The following TPST1 variants were observed in gnomAD, a reference collection of about 807,000 sequenced individuals.
TPST1 encodes the protein tyrosylprotein sulfotransferase 1.
In TPST1, 20 loss-of-function variants were observed where a neutral mutation model predicts 34.8. That is an observed-to-expected ratio of 0.57 (90% CI 0.40 to 0.84). The LOEUF (loss-of-function observed/expected upper bound fraction) is 0.84, where lower values mean the gene tolerates loss of function less well. Ranked by LOEUF, TPST1 falls within the 40% of genes least tolerant of loss-of-function variation. The pLI, the probability that TPST1 is intolerant of heterozygous loss-of-function variation, is 0.00. For missense variants in TPST1, 353 were observed against 455.5 expected, an observed-to-expected ratio of 0.78 and a Z score of 2.05; for synonymous variants, 152 against 159.4, an observed-to-expected ratio of 0.95 and a Z score of 0.35.
intron 1 of TPST1, among the ~76,000 whole-genome samples, chr7:66,222,742 G>C (rs1789570723): frequency 6.6e-6 from 1 of 152,086 alleles, no homozygotes; most frequent in Admixed American, 6.5e-5. Flanking sequence ...TGGGAGGAGT[G>C]CTGGGAGGTG....
At chr7:66,354,028 C>T (rs1329744834) in intron 4 of TPST1, among the ~76,000 whole-genome samples, 1 of 152,214 alleles carries the variant, frequency 6.6e-6, no homozygotes, top group Non-Finnish European at 1.5e-5. Context: ...CATATATTTA[C>T]TATTCATCCA....
At chr7:66,211,756 A>T (rs1789266373) in intron 1 of TPST1, among the ~76,000 whole-genome samples, 1 of 152,232 alleles carries the variant, frequency 6.6e-6, no homozygotes, top group African/African-American at 2.4e-5. Context: ...TCACGGGGTC[A>T]AGAGATGGAG....
At chr7:66,211,155 A>T (rs368821995) in intron 1 of TPST1, among the ~76,000 whole-genome samples, 19 of 148,422 alleles carry the variant, frequency 1.3e-4, no homozygotes, top group African/African-American at 4.2e-4. Context: ...TTTTTTTGAG[A>T]TGGAGTTTCG....
At chr7:66,223,292 A>T (rs1376866295) in intron 1 of TPST1, among the ~76,000 whole-genome samples, 9 of 151,708 alleles carry the variant, frequency 5.9e-5, no homozygotes. Flanking sequence ...ACAAAAAAGA[A>T]AGAAAGAAAG....
intron 1 of TPST1, among the ~76,000 whole-genome samples, chr7:66,211,194 G>T (rs962485442): frequency 6.6e-6 from 1 of 151,742 alleles, no homozygotes; most frequent in Non-Finnish European, 1.5e-5. Flanking sequence ...GAGTGCAATG[G>T]CGCGATCTTG....
intron 3 of TPST1, among the ~76,000 whole-genome samples, chr7:66,314,065 T>C (rs1216068410): frequency 1.3e-5 from 2 of 152,178 alleles, no homozygotes; most frequent in African/African-American, 2.4e-5. Flanking sequence ...ATTATTCGGG[T>C]TATGCATATG....
chr7:66,238,343 G>T (rs943147991), intron 1 of TPST1, among the ~76,000 whole-genome samples: 4 of 151,394 alleles, frequency 2.6e-5, no homozygotes, highest in Non-Finnish European at 5.9e-5. Flanking sequence ...TAAGGCCCAG[G>T]AAAGGCCTGG....
intron 1 of TPST1, among the ~76,000 whole-genome samples, chr7:66,221,292 AT>A (rs1789537701): frequency 6.6e-6 from 1 of 152,160 alleles, no homozygotes; most frequent in Non-Finnish European, 1.5e-5. Context: ...AGGGAAAAAA[AT>A]TGAGGGAAAT....
At chr7:66,239,919 TTG>T in intron 1 of TPST1, among the ~76,000 whole-genome samples, 1 of 152,210 alleles carries the variant, frequency 6.6e-6, no homozygotes, top group African/African-American at 2.4e-5. Flanking sequence ...TCTTGCTTTG[TTG>T]CCTAGGCTGG....
chr7:66,285,208 C>G (rs1791011415), intron 2 of TPST1, among the ~76,000 whole-genome samples: 1 of 152,156 alleles, frequency 6.6e-6, no homozygotes, highest in South Asian at 2.1e-4. Context: ...ACATCCTCTG[C>G]TCATTCCTGA....
chr7:66,271,757 T>C (rs1387577177), intron 2 of TPST1, among the ~76,000 whole-genome samples: 1 of 152,206 alleles, frequency 6.6e-6, no homozygotes, highest in Non-Finnish European at 1.5e-5. Context: ...TCCATATATA[T>C]GTATATATCC....
rs779681296 is a variant in TPST1, at chr7:66,257,187, C to G, written c.845+15917C>G. Among the ~76,000 whole-genome samples, 18 of 152,130 alleles carry G rather than the reference C, an allele frequency of 1.2e-4. No homozygotes were observed. In the South Asian group the frequency reaches 1.7e-3, roughly 14 times the overall value. ...GTTTCAAACTCCTGGGCTCAGCCCC[C>G]CAAAGTGCTAGGATTACAGGTGTGA... On this transcript the variant is annotated intron_variant, in intron 2 of 5. Coordinates refer to ENST00000304842, the MANE Select transcript of TPST1 (RefSeq NM_003596.4).
At chr7:66,205,172 G>T (rs1487460087), upstream of TPST1, 1 of 152,282 alleles carries the variant, frequency 6.6e-6, no homozygotes, top group Non-Finnish European at 1.5e-5. The surrounding 1 kb of genome is among the most constrained non-coding windows in gnomAD (Gnocchi z 5.0). Context: ...GGCGCCTGCC[G>T]GACCCAGCTC....
intron 2 of TPST1, among the ~76,000 whole-genome samples, chr7:66,251,284 G>A (rs990961927): frequency 6.6e-5 from 10 of 152,168 alleles, no homozygotes; most frequent in African/African-American, 2.4e-4. Context: ...GATTGCAGAT[G>A]ATGGTAAGTA....
intron 5 of TPST1, 76 bp from the exon 6 acceptor site, chr7:66,359,819 G>C (rs1217102372): frequency 4.4e-6 from 2 of 451,536 alleles, no homozygotes; most frequent in African/African-American, 4.0e-5. Flanking sequence ...CTGTAGCTGG[G>C]AAGGAAGAGA....
intron 3 of TPST1, among the ~76,000 whole-genome samples, chr7:66,321,439 C>G (rs1791755769): frequency 6.6e-6 from 1 of 152,230 alleles, no homozygotes; most frequent in Non-Finnish European, 1.5e-5. Flanking sequence ...CATAAACTAT[C>G]TGGTTAAACC....
At chr7:66,333,824 A>G (rs1459906524) in intron 3 of TPST1, among the ~76,000 whole-genome samples, 1 of 152,170 alleles carries the variant, frequency 6.6e-6, no homozygotes, top group Non-Finnish European at 1.5e-5. Context: ...TATTTCCTTA[A>G]AACTAGTACT....
intron 1 of TPST1, among the ~76,000 whole-genome samples, chr7:66,217,582 A>G (rs1789450465): frequency 6.6e-6 from 1 of 151,654 alleles, no homozygotes; most frequent in South Asian, 2.1e-4. Context: ...CACATCATTT[A>G]TTTATTTATT....
intron 2 of TPST1, among the ~76,000 whole-genome samples, chr7:66,285,742 A>T (rs933484637): frequency 1.3e-5 from 2 of 152,196 alleles, no homozygotes; most frequent in African/African-American, 4.8e-5. Context: ...ATGTCATTTG[A>T]TGCTACATTT....
Sources: gnomAD v4.1 joint callset for allele counts (sites outside exome capture counted in the v4.1 genomes callset) on GRCh38, gnomAD v4.1.1 for gene constraint, Gnocchi (gnomAD v3.1) non-coding constraint, MANE v1.5 for transcripts, NCBI Gene and HGNC (gene_info 2026-07-23, HGNC 2026-07-21) for gene names.